DNAJC16: variants seen among roughly 807,000 people sequenced by gnomAD.
The protein encoded by DNAJC16 is DnaJ heat shock protein family (Hsp40) member C16, also known as dnaJ homolog subfamily C member 16.
In DNAJC16, 76 loss-of-function variants were observed where a neutral mutation model predicts 92.7. The observed-to-expected ratio is 0.82, with a 90% CI of 0.68 to 0.99. DNAJC16 has a LOEUF of 0.99. Among genes scored for constraint, DNAJC16 ranks in the 50% least tolerant of loss-of-function variants. The probability of loss-of-function intolerance (pLI) is 0.00; values close to 1 mark genes in which losing one functional copy is unlikely to be tolerated. For missense variants in DNAJC16, 869 were observed against 942.4 expected (o/e 0.92, Z 1.02); for synonymous variants, 328 against 358.7 (o/e 0.91, Z 0.97).
intron 13 of DNAJC16, chr1:15,566,514 G>T: frequency 3.6e-6 from 1 of 278,712 alleles, no homozygotes. Context: ...AGAGGCCAGG[G>T]TCTCCGAGAC....
chr1:15,567,509 T>A (rs558563181), intron 14 of DNAJC16, among the ~76,000 whole-genome samples: 10 of 152,308 alleles, frequency 6.6e-5, no homozygotes, highest in African/African-American at 2.4e-4. Flanking sequence ...CCCTGAGCCC[T>A]TTCAGTTACT....
rs773165721 is a variant in DNAJC16 at position 15,568,159 on chromosome 1, A to G, written c.2331A>G (p.Ser777=). The change falls in exon 15 of 15, where the codon TCA becomes TCG. Residue 777 remains serine (S), a synonymous_variant. Transcript: ENST00000375847. ...EGSLQRFYIP[S]WPELD ...CCTTACAGAGGTTTTATATCCCATC[A>G]TGGCCTGAACTAGACTGAGAGGATT... 43 of 1,612,534 alleles carry G rather than the reference A, an allele frequency of 2.7e-5. No individual in the cohort carries two copies. The South Asian group carries it at 4.5e-4, about 17-fold the overall frequency.
intron 4 of DNAJC16, among the ~76,000 whole-genome samples, chr1:15,539,111 G>A (rs1710865441): frequency 6.6e-6 from 1 of 152,164 alleles, no homozygotes; most frequent in Admixed American, 6.5e-5. Context: ...GTTTACTAAT[G>A]CACGGAAGAC....
chr1:15,558,209 CTCAG>C (rs1282280094), intron 7 of DNAJC16, among the ~76,000 whole-genome samples: 2 of 122,492 alleles, frequency 1.6e-5, no homozygotes, highest in African/African-American at 6.3e-5. Flanking sequence ...GAGACAGGGT[CTCAG>C]TCTGTCACAC....
In DNAJC16 at chr1:15,564,113, T is replaced by C; in HGVS notation, c.1521+2T>C. On this transcript the variant is annotated splice_donor_variant, in intron 10 of 14. Transcript: ENST00000375847. LOFTEE classifies it high-confidence loss of function. ...GACCTGACCGATGAACTTGCCCCTG[T>C]GAGCATCGGGGCTGGGAAGGGTGGG... The C allele has an allele frequency of 1.9e-6, 3 of 1,614,000 alleles. No individual in the cohort carries two copies. The highest frequency in any genetic ancestry group is 2.5e-6 in the Non-Finnish European group (3 of 1,179,906).
At chr1:15,550,243 G>A (rs1484215139) in intron 7 of DNAJC16, among the ~76,000 whole-genome samples, 1 of 152,206 alleles carries the variant, frequency 6.6e-6, no homozygotes, top group Non-Finnish European at 1.5e-5. Context: ...AATGGATGAG[G>A]ATTTCCTAAA....
At chr1:15,538,046 G>A (rs1396391285) in intron 4 of DNAJC16, among the ~76,000 whole-genome samples, 3 of 152,148 alleles carry the variant, frequency 2.0e-5, no homozygotes, top group African/African-American at 7.2e-5. Flanking sequence ...ACTCAATTTG[G>A]ATGATCAGGC....
At position 15,569,188 on chromosome 1, in the gene DNAJC16, AG is replaced by A. The variant is rs1638890051; in HGVS notation, c.*1013del. 1 of 153,226 alleles carries A rather than the reference AG, an allele frequency of 6.5e-6. No individual in the cohort carries two copies. The highest frequency in any genetic ancestry group is 1.5e-5 in the Non-Finnish European group (1 of 68,454). 9.5% of individuals were successfully genotyped at this position (153,226 alleles called of 1,614,324 possible). A position where few individuals can be genotyped will look rare whatever the true frequency, so the allele number is the denominator to read the frequency against. ...AAATACCAAACATGTCTTTGTATCA[AG>A]GAACTTAAAATTTCTCAACAATTGT... On this transcript the variant is annotated 3_prime_UTR_variant, in exon 15 of 15. Coordinates refer to ENST00000375847, the MANE Select transcript of DNAJC16 (RefSeq NM_015291.4).
chr1:15,548,472 C>A, intron 7 of DNAJC16, 44 bp downstream of exon 7: 2 of 1,533,258 alleles, frequency 1.3e-6, no homozygotes, highest in Non-Finnish European at 1.8e-6. Context: ...CACATTTTAT[C>A]CCAAGATTTT....
In DNAJC16 at chr1:15,567,765, C is replaced by T. The variant is rs377417280; in HGVS notation, c.1950-13C>T. 195 of 1,605,574 alleles carry T rather than the reference C, an allele frequency of 1.2e-4. No homozygotes were observed. Among genetic ancestry groups the T allele is most frequent in the Non-Finnish European group, 1.5e-4 (181 of 1,175,882 alleles). On this transcript the variant is annotated splice_polypyrimidine_tract_variant and intron_variant, in intron 14 of 14. Transcript: ENST00000375847. ...GGAAATGCCCTGAGTCCTCAATTCT[C>T]TTCTTCCTACAGGAGCAGCTGCCTA...
intron 8 of DNAJC16, 65 bp downstream of exon 8, chr1:15,559,721 T>C: frequency 1.3e-6 from 2 of 1,576,184 alleles, no homozygotes; most frequent in East Asian, 2.3e-5. Context: ...CATTTTACTA[T>C]AGGGTGACTA....
At chr1:15,548,131 C>G in intron 6 of DNAJC16, 139 bp from the exon 7 acceptor site, 1 of 691,684 alleles carries the variant, frequency 1.4e-6, no homozygotes, top group East Asian at 2.8e-5. Context: ...TGGAAGTATA[C>G]AAGGATACGG....
intron 10 of DNAJC16, 45 bp from the exon 11 acceptor site, chr1:15,564,238 C>T (rs962193103): frequency 5.8e-6 from 9 of 1,544,692 alleles, no homozygotes; most frequent in Non-Finnish European, 8.1e-6. Context: ...GGGACTCTCC[C>T]TTCCGGCTTT....
Position 15,567,769 on chromosome 1 carries a change from T to G in DNAJC16, c.1950-9T>G, listed in dbSNP as rs1452594701. ...ATGCCCTGAGTCCTCAATTCTCTTCTTCCTACAGGAGCAGCTGCCTACACT... is the reference window on the plus strand; with the variant it reads ...ATGCCCTGAGTCCTCAATTCTCTTCGTCCTACAGGAGCAGCTGCCTACACT... On this transcript the variant is annotated splice_polypyrimidine_tract_variant and intron_variant, in intron 14 of 14. Coordinates refer to ENST00000375847, the MANE Select transcript of DNAJC16 (RefSeq NM_015291.4). 1 of 1,606,862 alleles carries G rather than the reference T, an allele frequency of 6.2e-7. No homozygotes were observed.
chr1:15,527,945 C>T (rs1200601320), intron 1 of DNAJC16, among the ~76,000 whole-genome samples: 1 of 152,094 alleles, frequency 6.6e-6, no homozygotes, highest in East Asian at 1.9e-4. Context: ...TCTGCAGTTC[C>T]AGCACTACCC....
Position 15,568,523 on chromosome 1 carries a change from C to T in DNAJC16, c.*346C>T. The T allele has an allele frequency of 2.3e-6, 1 of 433,354 alleles. No homozygotes were observed. Among genetic ancestry groups the T allele is most frequent in the East Asian group, 3.3e-5 (1 of 30,156 alleles). 26.8% of individuals were successfully genotyped at this position (433,354 alleles called of 1,614,324 possible). A position where few individuals can be genotyped will look rare whatever the true frequency, so the allele number is the denominator to read the frequency against. On this transcript the variant is annotated 3_prime_UTR_variant, in exon 15 of 15. Coordinates refer to ENST00000375847, the MANE Select transcript of DNAJC16 (RefSeq NM_015291.4). ...TCTTGGAGAAGCACAGGGCTCCACC[C>T]TGCAAGCGGCATCTGGCGGACCCTC...
rs777221793 is a variant in DNAJC16 at position 15,534,338 on chromosome 1, T to G, written c.234+35T>G. On this transcript the variant is annotated intron_variant, in intron 3 of 14. Transcript: ENST00000375847. Reference sequence around the variant, plus strand: ...CCAGCTTTGTGATGCATCCATTAGCTCTTACAAAATATGCCTTAGGAGGTG... The same window carrying G: ...CCAGCTTTGTGATGCATCCATTAGCGCTTACAAAATATGCCTTAGGAGGTG... The G allele has an allele frequency of 6.8e-6, 11 of 1,606,586 alleles. No homozygotes were observed. The East Asian group carries it at 2.5e-4, about 36-fold the overall frequency.
At chr1:15,547,336 CAG>C (rs1305245603) in intron 6 of DNAJC16, among the ~76,000 whole-genome samples, 1 of 151,818 alleles carries the variant, frequency 6.6e-6, no homozygotes, top group Non-Finnish European at 1.5e-5. Flanking sequence ...TTAGTAGAGA[CAG>C]GGTTTCACCA....
intron 7 of DNAJC16, among the ~76,000 whole-genome samples, chr1:15,549,608 A>G (rs982701464): frequency 3.9e-5 from 6 of 152,012 alleles, no homozygotes; most frequent in African/African-American, 9.7e-5. Context: ...AGGTCAGGAG[A>G]TTGAGACCAT....
Sources: gnomAD v4.1 joint callset for allele counts (sites outside exome capture counted in the v4.1 genomes callset) on GRCh38, gnomAD v4.1.1 for gene constraint, MANE v1.5 for transcripts, NCBI Gene and HGNC (gene_info 2026-07-23, HGNC 2026-07-21) for gene names.